Variants in WDR70 observed in about 807,000 individuals in gnomAD.
WDR70 encodes WD repeat domain 70.
In WDR70, 53 loss-of-function variants were observed where a neutral mutation model predicts 88.6. The observed-to-expected ratio is 0.60, with a 90% CI of 0.48 to 0.75. WDR70 has a LOEUF of 0.75. WDR70 is among the 30% of genes least tolerant of loss of function. WDR70 has a pLI of 0.00. For missense variants in WDR70, 610 were observed against 823.2 expected (o/e 0.74, Z 3.17); for synonymous variants, 280 against 270.0 (o/e 1.04, Z -0.36).
intron 7 of WDR70, among the ~76,000 whole-genome samples, chr5:37,470,649 C>T (rs1739299787): frequency 6.6e-6 from 1 of 152,136 alleles, no homozygotes; most frequent in Admixed American, 6.5e-5. Flanking sequence ...TGGTTTATAG[C>T]AGAAATTTGT....
chr5:37,401,164 ATTTTTTTTTT>A (rs559450523), intron 5 of WDR70, among the ~76,000 whole-genome samples: 33 of 69,124 alleles, frequency 4.8e-4, no homozygotes, highest in Admixed American at 1.7e-3. Flanking sequence ...ACACCTAGCT[ATTTTTTTTTT>A]TTTTTTTTTT....
At chr5:37,511,275 T>G (rs1247806052) in intron 8 of WDR70, among the ~76,000 whole-genome samples, 2 of 152,170 alleles carry the variant, frequency 1.3e-5, no homozygotes, top group Non-Finnish European at 2.9e-5. Flanking sequence ...TGTATATTTA[T>G]TATATTAGTA....
intron 5 of WDR70, among the ~76,000 whole-genome samples, chr5:37,429,587 G>A (rs1212699552): frequency 6.6e-6 from 1 of 151,976 alleles, no homozygotes; most frequent in African/African-American, 2.4e-5. Context: ...AGTATTGTTT[G>A]TTTAAAAGGT....
At chr5:37,642,728 C>T (rs1314333754) in intron 10 of WDR70, among the ~76,000 whole-genome samples, 1 of 152,198 alleles carries the variant, frequency 6.6e-6, no homozygotes, top group Non-Finnish European at 1.5e-5. Context: ...TTTTGCATTT[C>T]TCTGATGATC....
chr5:37,631,821 C>T (rs528439536), intron 10 of WDR70, among the ~76,000 whole-genome samples: 41 of 152,234 alleles, frequency 2.7e-4, no homozygotes, highest in Admixed American at 1.2e-3. Flanking sequence ...TATATTATCA[C>T]GGGTGAAATT....
intron 5 of WDR70, among the ~76,000 whole-genome samples, chr5:37,410,193 G>GT (rs952637754): frequency 0.075 from 9,003 of 119,398 alleles, 1,002 homozygotes; most frequent in African/African-American, 0.23. Context: ...GAGTTTGTTA[G>GT]TTTTTTTTTT....
chr5:37,434,101 T>TA (rs1267869753), intron 5 of WDR70, among the ~76,000 whole-genome samples: 1 of 152,164 alleles, frequency 6.6e-6, no homozygotes, highest in South Asian at 2.1e-4. Context: ...TCAGGACACT[T>TA]ACAATCACGG....
chr5:37,685,703 G>T (rs976788978), intron 10 of WDR70, among the ~76,000 whole-genome samples: 8 of 152,152 alleles, frequency 5.3e-5, no homozygotes. Flanking sequence ...TGGCTGGCAC[G>T]CTGCCCCTAC....
intron 10 of WDR70, among the ~76,000 whole-genome samples, chr5:37,678,735 T>C (rs983955577): frequency 6.6e-6 from 1 of 152,210 alleles, no homozygotes; most frequent in Non-Finnish European, 1.5e-5. Context: ...TCGAGGAGTA[T>C]TTTTGTGGCA....
chr5:37,730,814 C>T (rs1185921035), intron 17 of WDR70, among the ~76,000 whole-genome samples: 1 of 151,954 alleles, frequency 6.6e-6, no homozygotes, highest in Non-Finnish European at 1.5e-5. Context: ...TTTTATTAAC[C>T]AACTCAATCT....
At chr5:37,687,828 A>G (rs1331772911) in intron 10 of WDR70, 1 of 542,310 alleles carries the variant, frequency 1.8e-6, no homozygotes, top group Non-Finnish European at 3.4e-6. Context: ...TTAGAATCCC[A>G]CTCAGGGTAG....
intron 3 of WDR70, among the ~76,000 whole-genome samples, chr5:37,386,966 G>A (rs564203258): frequency 6.6e-6 from 1 of 152,194 alleles, no homozygotes; most frequent in East Asian, 1.9e-4. Flanking sequence ...GGTGTGGGTG[G>A]TGGGCACCTG....
rs1741559214 is a variant in WDR70 at position 37,533,426 on chromosome 5, T to G, written c.917+16836T>G. On this transcript the variant is annotated intron_variant, in intron 9 of 17. Transcript: ENST00000265107. ...GACCAACATGGTGAATCCCTGTCTC[T>G]ACTTAAAACAACAACAAAACAACAA... 4.0e-5 allele frequency among the ~76,000 whole-genome samples: 6 copies of G among 151,740 alleles called. No homozygotes were observed. In the South Asian group the frequency reaches 1.2e-3, roughly 32 times the overall value.
At chr5:37,669,530 A>G (rs1400854) in intron 10 of WDR70, among the ~76,000 whole-genome samples, 55,949 of 152,008 alleles carry the variant, frequency 0.37, 11,803 homozygotes, top group Non-Finnish European at 0.47. Context: ...CTCCTGGGCA[A>G]TGAGTGAGGC....
intron 17 of WDR70, among the ~76,000 whole-genome samples, chr5:37,750,598 A>G (rs1748776427): frequency 6.6e-6 from 1 of 152,162 alleles, no homozygotes; most frequent in South Asian, 2.1e-4. Context: ...TGTAGCTCCC[A>G]TAATTGTCAC....
chr5:37,530,879 G>A (rs1042632700), intron 9 of WDR70, among the ~76,000 whole-genome samples: 6 of 150,492 alleles, frequency 4.0e-5, no homozygotes, highest in East Asian at 3.9e-4. Flanking sequence ...TCCATGAGGC[G>A]TGACCTTAGA....
At chr5:37,734,834 G>A (rs1040105988) in intron 17 of WDR70, among the ~76,000 whole-genome samples, 76 of 152,028 alleles carry the variant, frequency 5.0e-4, no homozygotes, top group African/African-American at 1.7e-3. Context: ...TTTCTACTTC[G>A]ATCTATGAAT....
intron 10 of WDR70, among the ~76,000 whole-genome samples, chr5:37,638,536 T>A (rs1745030690): frequency 6.6e-6 from 1 of 152,210 alleles, no homozygotes; most frequent in Non-Finnish European, 1.5e-5. Context: ...AAGTTTTGTG[T>A]CTCAGTATTA....
At chr5:37,483,678 C>A (rs1440126922) in intron 8 of WDR70, among the ~76,000 whole-genome samples, 2 of 143,652 alleles carry the variant, frequency 1.4e-5, no homozygotes, top group Non-Finnish European at 3.1e-5. Flanking sequence ...AAGGGGCGGC[C>A]AGGCAGAGGC....
Sources: gnomAD v4.1 joint callset for allele counts (sites outside exome capture counted in the v4.1 genomes callset) on GRCh38, gnomAD v4.1.1 for gene constraint, MANE v1.5 for transcripts, NCBI Gene and HGNC (gene_info 2026-07-23, HGNC 2026-07-21) for gene names.